Variants in ARSG observed in about 807,000 individuals in gnomAD.
ARSG encodes arylsulfatase G.
A neutral mutation model predicts 50.5 loss-of-function variants in ARSG; 37 were observed. That is an observed-to-expected ratio of 0.73 (90% CI 0.56 to 0.96). The LOEUF (loss-of-function observed/expected upper bound fraction) is 0.96, where lower values mean the gene tolerates loss of function less well. ARSG is among the 50% of genes least tolerant of loss of function. ARSG has a pLI of 0.00. For missense variants in ARSG, 629 were observed against 675.3 expected (o/e 0.93, Z 0.76); for synonymous variants, 225 against 254.6 (o/e 0.88, Z 1.11).
At chr17:68,278,244 GCCCAGC>G (rs2075588240) in intron 1 of ARSG, 1 of 1,614,082 alleles carries the variant, frequency 6.2e-7, no homozygotes, top group Admixed American at 1.7e-5. Context: ...AACAGCTACC[GCCCAGC>G]CCCATCCTCC....
chr17:68,413,016 ATTC>A (rs1394807319), intron 11 of ARSG, among the ~76,000 whole-genome samples: 1 of 150,978 alleles, frequency 6.6e-6, no homozygotes, highest in Non-Finnish European at 1.5e-5. Context: ...CTAGTTATAC[ATTC>A]TTCTAAATTT....
intron 1 of ARSG, among the ~76,000 whole-genome samples, chr17:68,266,055 A>C (rs1404635363): frequency 6.6e-6 from 1 of 151,714 alleles, no homozygotes; most frequent in Non-Finnish European, 1.5e-5. Context: ...TCTTGGAATG[A>C]CTCTGTAACT....
At chr17:68,379,196 A>G (rs1250887518) in intron 8 of ARSG, among the ~76,000 whole-genome samples, 1 of 152,144 alleles carries the variant, frequency 6.6e-6, no homozygotes, top group East Asian at 1.9e-4. Flanking sequence ...CACTGTAGGC[A>G]TCCTTGGCAA....
the ARSG span, among the ~76,000 whole-genome samples, chr17:68,427,797 C>T: frequency 6.6e-6 from 1 of 152,216 alleles, no homozygotes; most frequent in South Asian, 2.1e-4. Flanking sequence ...GGAGAGCAGC[C>T]ATCGGTGGGG....
chr17:68,427,634 A>G (rs2083286396), downstream of ARSG: 1 of 175,218 alleles, frequency 5.7e-6, no homozygotes, highest in Non-Finnish European at 1.2e-5. Flanking sequence ...TTGTAGACCT[A>G]CCCACACGCT....
At chr17:68,417,890 C>T (rs542990446) in intron 11 of ARSG, among the ~76,000 whole-genome samples, 49 of 151,330 alleles carry the variant, frequency 3.2e-4, no homozygotes, top group African/African-American at 1.0e-3. Context: ...ACCACCATGC[C>T]CAGATAATTT....
intron 4 of ARSG, among the ~76,000 whole-genome samples, chr17:68,349,430 G>A (rs2078655336): frequency 1.3e-5 from 2 of 152,200 alleles, no homozygotes; most frequent in South Asian, 2.1e-4. Flanking sequence ...AACCTAAAAT[G>A]TTTACTATTT....
At chr17:68,287,583 C>T (rs1244422829), upstream of ARSG, among the ~76,000 whole-genome samples, 5 of 152,162 alleles carry the variant, frequency 3.3e-5, no homozygotes, top group African/African-American at 9.7e-5. Flanking sequence ...CCACATATAA[C>T]TTTCACCTGC....
chr17:68,373,985 G>A (rs1401003417), intron 8 of ARSG, among the ~76,000 whole-genome samples: 1 of 151,556 alleles, frequency 6.6e-6, no homozygotes, highest in Non-Finnish European at 1.5e-5. Context: ...GTGAAACCCC[G>A]TCTCTACTAA....
At chr17:68,311,210 T>C (rs1357671758) in intron 2 of ARSG, among the ~76,000 whole-genome samples, 4 of 152,274 alleles carry the variant, frequency 2.6e-5, no homozygotes, top group African/African-American at 9.6e-5. Context: ...TCCACTCTTC[T>C]CTCTTGCAGT....
chr17:68,333,223 G>A (rs1249827187), intron 2 of ARSG, among the ~76,000 whole-genome samples: 2 of 152,242 alleles, frequency 1.3e-5, no homozygotes, highest in Non-Finnish European at 2.9e-5. Context: ...TCGAGAGGCT[G>A]AGGTAGGAGA....
At chr17:68,290,205 G>A (rs371260968), upstream of ARSG, among the ~76,000 whole-genome samples, 72 of 152,288 alleles carry the variant, frequency 4.7e-4, no homozygotes, top group African/African-American at 1.7e-3. Flanking sequence ...TTGACAAGTT[G>A]TAATTGCTCT....
At chr17:68,343,187 G>A (rs1259054175) in intron 2 of ARSG, among the ~76,000 whole-genome samples, 1 of 151,722 alleles carries the variant, frequency 6.6e-6, no homozygotes, top group Non-Finnish European at 1.5e-5. Flanking sequence ...ATGGAGTCTC[G>A]CTCCTGTCAC....
rs115359503 is a variant in ARSG at position 68,343,301 on chromosome 17, C to T, written c.219-303C>T. On this transcript the variant is annotated intron_variant, in intron 2 of 11. Coordinates refer to ENST00000621439, the MANE Select transcript of ARSG (RefSeq NM_001267727.2). ...CCTCCTGAGTAGCCGGGACTACAGG[C>T]GCACGCCACTGCACCAAGCTAATTT... is the stretch of plus-strand genomic sequence containing the variant. Among the ~76,000 whole-genome samples, 302 of 152,256 alleles carry T rather than the reference C, an allele frequency of 2.0e-3. 2 individuals are homozygous for T. Among genetic ancestry groups the T allele is most frequent in the African/African-American group, 6.8e-3 (283 of 41,542 alleles).
chr17:68,439,714 G>A, the ARSG span, among the ~76,000 whole-genome samples: 2 of 152,358 alleles, frequency 1.3e-5, no homozygotes, highest in South Asian at 4.1e-4. Context: ...GAGGACATGA[G>A]TTCAAGACTG....
chr17:68,314,402 T>G (rs1352942717), intron 2 of ARSG, among the ~76,000 whole-genome samples: 1 of 151,894 alleles, frequency 6.6e-6, no homozygotes. Context: ...GGCACATGCT[T>G]GTAATCCCAG....
the ARSG span, among the ~76,000 whole-genome samples, chr17:68,436,990 T>C: frequency 2.9e-5 from 2 of 69,856 alleles, no homozygotes; most frequent in African/African-American, 1.6e-4. Context: ...TGAGACCCCG[T>C]CTCAAAAAAA....
At chr17:68,291,766 G>T (rs1213677402) in intron 1 of ARSG, among the ~76,000 whole-genome samples, 198 bp downstream of exon 1, 1 of 151,544 alleles carries the variant, frequency 6.6e-6, no homozygotes, top group African/African-American at 2.4e-5. Context: ...GAGCACCTCG[G>T]CCAGGCGCGA....
intron 6 of ARSG, among the ~76,000 whole-genome samples, chr17:68,365,480 T>C (rs961658680): frequency 6.6e-6 from 1 of 152,218 alleles, no homozygotes; most frequent in African/African-American, 2.4e-5. Flanking sequence ...GAGGTTTGGA[T>C]GCAGGATTCT....
Sources: gnomAD v4.1 joint callset for allele counts (sites outside exome capture counted in the v4.1 genomes callset) on GRCh38, gnomAD v4.1.1 for gene constraint, MANE v1.5 for transcripts, NCBI Gene and HGNC (gene_info 2026-07-23, HGNC 2026-07-21) for gene names.